Variants in SYTL2 observed in about 807,000 individuals in gnomAD.
The protein encoded by SYTL2 is synaptotagmin-like protein 2.
SYTL2 carries 165 observed loss-of-function variants against 198.7 expected under a neutral mutation model. The observed-to-expected ratio is 0.83, with a 90% CI of 0.73 to 0.94. The LOEUF is 0.94. SYTL2 is among the 40% of genes least tolerant of loss of function. The pLI, the probability that SYTL2 is intolerant of heterozygous loss-of-function variation, is 0.00. For synonymous variants in SYTL2, 966 were observed against 917.7 expected (o/e 1.05, Z -0.95); for missense variants, 2,835 against 2,582.8 (o/e 1.10, Z -2.12).
At chr11:85,698,206 C>G in intron 17 of SYTL2, 128 bp from the exon 18 acceptor site, 1 of 641,334 alleles carries the variant, frequency 1.6e-6, no homozygotes, top group Non-Finnish European at 2.8e-6. Context: ...ATCATCTGAA[C>G]TGATTAAATC....
Position 85,695,096 on chromosome 11 carries a change from T to C in SYTL2, c.*99A>G, listed in dbSNP as rs1356052277. ...GCTGTGTAGTATTCCTTAGGTGCAA[T>C]AGATAGAAAGTGAGGATATTTGTCC... On this transcript the variant is annotated 3_prime_UTR_variant, in exon 20 of 20. Coordinates refer to ENST00000359152, the MANE Select transcript of SYTL2 (RefSeq NM_206927.4). The C allele has an allele frequency of 3.4e-5, 44 of 1,295,142 alleles. No individual in the cohort carries two copies. The highest frequency in any genetic ancestry group is 1.1e-4 in the Admixed American group (5 of 45,936). 80.2% of individuals were successfully genotyped at this position (1,295,142 alleles called of 1,614,324 possible).
At chr11:85,847,594 T>A in the SYTL2 span, among the ~76,000 whole-genome samples, 1 of 152,228 alleles carries the variant, frequency 6.6e-6, no homozygotes, top group Non-Finnish European at 1.5e-5. Context: ...ATCAGGAATA[T>A]ATGAAAGTTC....
At chr11:85,839,055 T>G in the SYTL2 span, among the ~76,000 whole-genome samples, 13 of 152,274 alleles carry the variant, frequency 8.5e-5, no homozygotes, top group Non-Finnish European at 1.8e-4. Flanking sequence ...AATTTAAAAA[T>G]TTAAGGGAAG....
At position 85,727,351 on chromosome 11, in the gene SYTL2, A is replaced by T. The variant is rs1341450015; in HGVS notation, c.2007T>A (p.Tyr669Ter). 2 of 1,536,176 alleles carry T rather than the reference A, an allele frequency of 1.3e-6. No individual in the cohort carries two copies. The highest frequency in any genetic ancestry group is 1.7e-6 in the Non-Finnish European group (2 of 1,146,902). ...GNGASPSNSN[Y>*]SYSVLKESDA... ...CAGATTCCTTGAGAACACTGTAGGA[A>T]TAGTTACTATTTGAAGGAGATGCCC... The change falls in exon 8 of 20, where the codon TAT (tyrosine) becomes TAA (stop). Residue 669 changes from tyrosine to a stop codon, truncating the protein, a stop_gained. Coordinates refer to ENST00000359152, the MANE Select transcript of SYTL2 (RefSeq NM_206927.4). LOFTEE classifies it high-confidence loss of function.
chr11:85,719,046 C>T (rs1001254156), intron 9 of SYTL2: 12 of 1,517,406 alleles, frequency 7.9e-6, no homozygotes, highest in African/African-American at 1.4e-5. Flanking sequence ...CCATTTCAGC[C>T]CGGATGCAGC....
chr11:85,840,223 G>A, the SYTL2 span, among the ~76,000 whole-genome samples: 22 of 151,880 alleles, frequency 1.4e-4, no homozygotes, highest in East Asian at 1.9e-4. Flanking sequence ...AAATATCTTC[G>A]CCCATATTGT....
chr11:85,705,111 C>T (rs951529965), intron 15 of SYTL2, 83 bp from the exon 16 acceptor site: 21 of 1,025,522 alleles, frequency 2.0e-5, no homozygotes, highest in African/African-American at 3.2e-5. Flanking sequence ...AGAAATTCAT[C>T]TGTATATAGC....
In SYTL2 at chr11:85,726,629, G is replaced by A; in HGVS notation, c.2729C>T (p.Pro910Leu). Residue 910 changes from proline to leucine, a missense_variant, in exon 8 of 20, where the codon CCT becomes CTT. Physicochemically the swap from Pro to Leu is moderately conservative, Grantham distance 98. Coordinates refer to ENST00000359152, the MANE Select transcript of SYTL2 (RefSeq NM_206927.4). ...GTCTGCCACTTGTGATCTTTTTATA[G>A]GCTCATTTTTCTTATTCTGAAACAG... is the stretch of plus-strand genomic sequence containing the variant. ...VSLFQNKKNE[P>L]IKRSQVADSL... The A allele has an allele frequency of 8.4e-6, 13 of 1,540,118 alleles. No homozygotes were observed. The highest frequency in any genetic ancestry group is 1.1e-5 in the Non-Finnish European group (13 of 1,148,570).
intron 7 of SYTL2, among the ~76,000 whole-genome samples, chr11:85,731,622 T>C (rs1274476910): frequency 6.6e-6 from 1 of 152,034 alleles, no homozygotes; most frequent in Admixed American, 6.6e-5. Context: ...CCTAAAACCA[T>C]AAAAACCCTA....
chr11:85,749,861 T>A (rs2091406074), intron 2 of SYTL2, among the ~76,000 whole-genome samples: 1 of 152,186 alleles, frequency 6.6e-6, no homozygotes, highest in African/African-American at 2.4e-5. Flanking sequence ...CCCTGGTGAG[T>A]TCCTGGGGGC....
chr11:85,845,554 G>A, the SYTL2 span, among the ~76,000 whole-genome samples: 1 of 152,064 alleles, frequency 6.6e-6, no homozygotes, highest in African/African-American at 2.4e-5. Context: ...CTTGAGCCTA[G>A]GAGTTCAAGG....
chr11:85,766,802 C>T (rs926838786), intron 1 of SYTL2, among the ~76,000 whole-genome samples: 2 of 152,172 alleles, frequency 1.3e-5, no homozygotes, highest in Admixed American at 6.5e-5. Flanking sequence ...AACTTTTAAC[C>T]AGAGGATTTA....
intron 1 of SYTL2, among the ~76,000 whole-genome samples, chr11:85,793,618 A>C (rs866384160): frequency 6.6e-6 from 1 of 152,246 alleles, no homozygotes; most frequent in Admixed American, 6.5e-5. Context: ...AATTTGAGAT[A>C]TCTCATAACC....
At chr11:85,759,073 C>T (rs1319557180) in intron 1 of SYTL2, among the ~76,000 whole-genome samples, 2 of 151,706 alleles carry the variant, frequency 1.3e-5, no homozygotes, top group Non-Finnish European at 2.9e-5. Flanking sequence ...GGTGAAACCC[C>T]GTCTCTACTA....
chr11:85,733,038 T>C (rs553715585), intron 7 of SYTL2, among the ~76,000 whole-genome samples: 1 of 152,286 alleles, frequency 6.6e-6, no homozygotes, highest in African/African-American at 2.4e-5. Flanking sequence ...CCTCATTGCC[T>C]CTCAACTCAC....
intron 1 of SYTL2, among the ~76,000 whole-genome samples, chr11:85,793,090 C>T (rs1398866130): frequency 4.6e-5 from 7 of 151,916 alleles, no homozygotes; most frequent in South Asian, 2.1e-4. Flanking sequence ...AATAAACATA[C>T]GTGTGCATGT....
In SYTL2 at chr11:85,726,079, C is replaced by T. The variant is rs574962856; in HGVS notation, c.3279G>A (p.Lys1093=). Residue 1093 remains lysine, a synonymous_variant, in exon 8 of 20, where the codon AAG becomes AAA. Coordinates refer to ENST00000359152, the MANE Select transcript of SYTL2 (RefSeq NM_206927.4). ...GNESSKENVE[K]NTEGIVTPVF... ...CTGGAGTAACAATCCCTTCCGTATT[C>T]TTTTCCACATTTTCCTTTGATGACT... 9.3e-6 allele frequency: 15 copies of T among 1,613,606 alleles called. No homozygotes were observed. The South Asian group carries it at 1.4e-4, about 15-fold the overall frequency.
chr11:85,833,072 AAAGAAAGAAAGAAAGAAAGAAAGAAAG>A, the SYTL2 span, among the ~76,000 whole-genome samples: 1 of 53,864 alleles, frequency 1.9e-5, no homozygotes. Flanking sequence ...AGAAAGAAAG[AAAGAAAGAAAGAAAGAAAGAAAGAAAG>A]AAGGAAGGAA....
chr11:85,832,377 A>G, the SYTL2 span, among the ~76,000 whole-genome samples: 3 of 152,206 alleles, frequency 2.0e-5, no homozygotes, highest in Admixed American at 1.3e-4. Context: ...TTCCATGGTA[A>G]TATTTCCCAA....
Sources: gnomAD v4.1 joint callset for allele counts (sites outside exome capture counted in the v4.1 genomes callset) on GRCh38, gnomAD v4.1.1 for gene constraint, MANE v1.5 for transcripts, NCBI Gene and HGNC (gene_info 2026-07-23, HGNC 2026-07-21) for gene names.